SLC1A3: variants seen among roughly 807,000 people sequenced by gnomAD.
The protein encoded by SLC1A3 is solute carrier family 1 member 3.
In SLC1A3, 21 loss-of-function variants were observed where a neutral mutation model predicts 48.1. That is an observed-to-expected ratio of 0.44 (90% CI 0.31 to 0.63). The LOEUF (loss-of-function observed/expected upper bound fraction) is 0.63. SLC1A3 is among the 20% of genes least tolerant of loss of function. The probability of loss-of-function intolerance (pLI) is 0.08; values close to 1 mark genes in which losing one functional copy is unlikely to be tolerated. For synonymous variants in SLC1A3, 239 were observed against 251.4 expected (o/e 0.95, Z 0.47); for missense variants, 546 against 689.0 (o/e 0.79, Z 2.32).
chr5:36,674,943 G>C (rs1305135865), intron 5 of SLC1A3, among the ~76,000 whole-genome samples: 1 of 152,124 alleles, frequency 6.6e-6, no homozygotes, highest in Non-Finnish European at 1.5e-5. Flanking sequence ...GAAGATAAAA[G>C]CTCACTTTAA....
intron 2 of SLC1A3, 76 bp downstream of exon 2, chr5:36,608,680 C>A: frequency 1.3e-6 from 2 of 1,590,832 alleles, no homozygotes; most frequent in South Asian, 1.2e-5. Context: ...GGAATATTAT[C>A]AGATGAACTA....
At chr5:36,645,444 G>C (rs1051963315) in intron 3 of SLC1A3, among the ~76,000 whole-genome samples, 1 of 144,618 alleles carries the variant, frequency 6.9e-6, no homozygotes, top group African/African-American at 2.5e-5. Flanking sequence ...CTCTTCCCCA[G>C]CTGCCCAAGT....
chr5:36,661,902 A>G (rs1741528545), intron 3 of SLC1A3, among the ~76,000 whole-genome samples: 1 of 152,208 alleles, frequency 6.6e-6, no homozygotes, highest in Non-Finnish European at 1.5e-5. Flanking sequence ...ATTCGGTCCC[A>G]TTTAGCATTC....
intron 2 of SLC1A3, among the ~76,000 whole-genome samples, chr5:36,611,676 T>G (rs1466474613): frequency 2.6e-5 from 4 of 152,152 alleles, no homozygotes; most frequent in Admixed American, 2.6e-4. Context: ...AAGCATTAGA[T>G]AATGGTCTGC....
intron 3 of SLC1A3, among the ~76,000 whole-genome samples, chr5:36,662,528 T>C (rs1741556933): frequency 6.6e-6 from 1 of 152,174 alleles, no homozygotes; most frequent in South Asian, 2.1e-4. Context: ...TTGCTCTGCT[T>C]AGCACACATA....
At chr5:36,624,281 G>A (rs1219425034) in intron 2 of SLC1A3, among the ~76,000 whole-genome samples, 2 of 152,208 alleles carry the variant, frequency 1.3e-5, no homozygotes, top group Non-Finnish European at 1.5e-5. Context: ...AGATGAAAAA[G>A]TAGGCAAAAT....
chr5:36,648,794 G>A (rs529151700), intron 3 of SLC1A3, among the ~76,000 whole-genome samples: 5 of 152,260 alleles, frequency 3.3e-5, no homozygotes, highest in African/African-American at 1.2e-4. Flanking sequence ...GGGGGAAGGT[G>A]TAAGATTTTG....
intron 3 of SLC1A3, among the ~76,000 whole-genome samples, chr5:36,631,855 G>A (rs752675524): frequency 1.6e-4 from 24 of 152,198 alleles, no homozygotes; most frequent in Non-Finnish European, 3.2e-4. Flanking sequence ...TAATGGGAAG[G>A]GAGGAACTTC....
At position 36,608,439 on chromosome 5, in the gene SLC1A3, G is replaced by A. The variant is rs753529094; in HGVS notation, c.16G>A (p.Gly6Arg). Residue 6 changes from glycine (G) to arginine (R), a missense_variant, in exon 2 of 10, where the codon GGA becomes AGA. Physicochemically the swap from Gly to Arg is moderately radical, Grantham distance 125 (BLOSUM62 -2). This residue lies in a region of SLC1A3 where 348 missense variants were observed against 392.0 expected (regional missense o/e 0.89). Coordinates refer to ENST00000265113, the MANE Select transcript of SLC1A3 (RefSeq NM_004172.5). MTKSN[G>R]EEPKMGGRME... is the part of the protein sequence containing the mutation. ...AAAGTAAAATATGACTAAAAGCAAT[G>A]GAGAAGAGCCCAAGATGGGGGGCAG... 49 of 1,613,886 alleles carry A rather than the reference G, an allele frequency of 3.0e-5. No homozygotes were observed. Among genetic ancestry groups the A allele is most frequent in the Non-Finnish European group, 4.0e-5 (47 of 1,179,910 alleles).
rs1260597532 is a variant in SLC1A3 at position 36,608,538 on chromosome 5, G to A, written c.115G>A (p.Glu39Lys). Residue 39 changes from glutamate (E) to lysine (K), a missense_variant, in exon 2 of 10, where the codon GAG becomes AAG. Physicochemically the swap from Glu to Lys is moderately conservative, Grantham distance 56 (BLOSUM62 1). Coordinates refer to ENST00000265113, the MANE Select transcript of SLC1A3 (RefSeq NM_004172.5). ...GAAGAAAGTGCAGAACATTACAAAG[G>A]AGGATGTTAAAAGTTACCTGTTTCG... ...AKKKVQNITK[E>K]DVKSYLFRNA... The A allele has an allele frequency of 3.1e-6, 5 of 1,614,084 alleles. No homozygotes were observed. Among genetic ancestry groups the A allele is most frequent in the Admixed American group, 1.7e-5 (1 of 60,026 alleles).
At chr5:36,680,041 C>A (rs1479232559) in intron 7 of SLC1A3, among the ~76,000 whole-genome samples, 181 bp downstream of exon 7, 2 of 152,196 alleles carry the variant, frequency 1.3e-5, no homozygotes, top group African/African-American at 4.8e-5. Flanking sequence ...GGCTACATAT[C>A]TTTTGTGGGG....
At chr5:36,666,224 G>A (rs1305340759) in intron 3 of SLC1A3, 1 of 151,998 alleles carries the variant, frequency 6.6e-6, no homozygotes, top group African/African-American at 2.4e-5. Flanking sequence ...TATTTTTAGA[G>A]TTTGATTTTC....
chr5:36,626,145 A>T (rs1003240427), intron 2 of SLC1A3, among the ~76,000 whole-genome samples: 2 of 152,210 alleles, frequency 1.3e-5, no homozygotes, highest in African/African-American at 4.8e-5. Context: ...AGAAGGTAGT[A>T]GAACACCCAA....
chr5:36,686,093 C>G lies in SLC1A3; in HGVS notation c.1453C>G (p.Leu485Val), dbSNP rs1742635005. The G allele has an allele frequency of 6.2e-7, 1 of 1,614,076 alleles. No homozygotes were observed. Residue 485 changes from leucine (L) to valine (V), a missense_variant, in exon 10 of 10, where the codon CTG becomes GTG. Coordinates refer to ENST00000265113, the MANE Select transcript of SLC1A3 (RefSeq NM_004172.5). Reference protein sequence around the residue: ...LDRLRTTTNVLGDSLGAGIVE... With the variant: ...LDRLRTTTNVVGDSLGAGIVE... ...TCGCCTCCGGACCACCACCAACGTA[C>G]TGGGAGACTCCCTGGGAGCTGGGAT...
At chr5:36,637,096 C>CCT (rs1455312142) in intron 3 of SLC1A3, among the ~76,000 whole-genome samples, 1 of 152,188 alleles carries the variant, frequency 6.6e-6, no homozygotes, top group African/African-American at 2.4e-5. Flanking sequence ...TGTGCCTGTT[C>CCT]TCCAGGACTT....
At chr5:36,666,876 T>A (rs902848376) in intron 3 of SLC1A3, among the ~76,000 whole-genome samples, 24 of 152,320 alleles carry the variant, frequency 1.6e-4, no homozygotes, top group Non-Finnish European at 2.2e-4. Flanking sequence ...TTGTGACAAA[T>A]CAATTGCCAA....
chr5:36,611,177 C>A (rs1739175018), intron 2 of SLC1A3, among the ~76,000 whole-genome samples: 1 of 151,160 alleles, frequency 6.6e-6, no homozygotes, highest in African/African-American at 2.4e-5. Flanking sequence ...AAGAAAGATG[C>A]TAGCAAGGAA....
At chr5:36,640,464 C>A (rs1033209890) in intron 3 of SLC1A3, among the ~76,000 whole-genome samples, 4 of 152,194 alleles carry the variant, frequency 2.6e-5, no homozygotes, top group African/African-American at 9.7e-5. Context: ...GGGATATAGG[C>A]TTGCCATCTT....
At chr5:36,610,847 G>A (rs779516902) in intron 2 of SLC1A3, among the ~76,000 whole-genome samples, 2 of 152,128 alleles carry the variant, frequency 1.3e-5, no homozygotes, top group East Asian at 1.9e-4. Context: ...CTTTACTAAT[G>A]GAAACTGAGG....
Sources: allele counts gnomAD v4.1 joint callset (sites outside exome capture counted in the v4.1 genomes callset), GRCh38; gene constraint gnomAD v4.1.1; regional missense constraint gnomAD v4.1.1; transcripts MANE v1.5; gene names NCBI Gene and HGNC (gene_info 2026-07-23, HGNC 2026-07-21).